TBL1X: variants seen among roughly 807,000 people sequenced by gnomAD.
TBL1X encodes transducin beta like 1 X-linked.
A neutral mutation model predicts 50.7 loss-of-function variants in TBL1X; 10 were observed. That is an observed-to-expected ratio of 0.20 (90% CI 0.12 to 0.33). TBL1X has a LOEUF of 0.33. TBL1X is among the 10% of genes least tolerant of loss of function. The pLI, the probability that TBL1X is intolerant of heterozygous loss-of-function variation, is 1.00. For missense variants in TBL1X, 340 were observed against 504.4 expected (o/e 0.67, Z 3.12); for synonymous variants, 190 against 214.7 (o/e 0.88, Z 1.01).
chrX:9,467,259 C>A (rs1468272220), intron 1 of TBL1X, among the ~76,000 whole-genome samples: 1 of 111,210 alleles, frequency 9.0e-6, no homozygotes, highest in East Asian at 2.8e-4. Flanking sequence ...CCAGCAGGTC[C>A]CGAGGGTCAG....
chrX:9,468,038 G>T (rs1407938916), intron 1 of TBL1X, among the ~76,000 whole-genome samples: 1 of 112,445 alleles, frequency 8.9e-6, no homozygotes, highest in African/African-American at 3.2e-5. Flanking sequence ...TCCACCGCAT[G>T]CCTGAAGGTT....
chrX:9,608,943 A>C (rs1222750175), intron 2 of TBL1X, among the ~76,000 whole-genome samples: 2 of 111,712 alleles, frequency 1.8e-5, no homozygotes, highest in African/African-American at 3.3e-5. Flanking sequence ...TTTTAGAAGC[A>C]GCAGATATCA....
chrX:9,578,779 A>G (rs1158823217), intron 2 of TBL1X, among the ~76,000 whole-genome samples: 1 of 112,112 alleles, frequency 8.9e-6, no homozygotes, highest in Non-Finnish European at 1.9e-5. Context: ...AACAGATAAT[A>G]TTGATGATGA....
chrX:9,486,454 G>A (rs963110738), intron 1 of TBL1X, among the ~76,000 whole-genome samples: 6 of 109,944 alleles, frequency 5.5e-5, no homozygotes, highest in African/African-American at 1.3e-4. Context: ...GGCTGGTCTC[G>A]AGCTCCTGGA....
At chrX:9,467,954 C>G (rs1366175349) in intron 1 of TBL1X, among the ~76,000 whole-genome samples, 1 of 112,595 alleles carries the variant, frequency 8.9e-6, no homozygotes, top group African/African-American at 3.2e-5. Context: ...CAGCGGGAGC[C>G]TGACTTCAGA....
rs753786320 is a variant in TBL1X, at chrX:9,518,120, A to G, written c.-131+16271A>G. 3.2e-4 allele frequency among the ~76,000 whole-genome samples: 35 copies of G among 109,917 alleles called. No homozygotes were observed. In the East Asian group the frequency reaches 9.4e-3, roughly 30 times the overall value. ...TCTCAAAAAAAAAAAAAAAAAAGAAAAGAAAAAAACAGTACCTTGTTGATA... is the reference window on the plus strand; with the variant it reads ...TCTCAAAAAAAAAAAAAAAAAAGAAGAGAAAAAAACAGTACCTTGTTGATA... On this transcript the variant is annotated intron_variant, in intron 2 of 17. Coordinates refer to ENST00000645353, the MANE Select transcript of TBL1X (RefSeq NM_005647.4).
At chrX:9,708,634 C>A (rs2083224681) in intron 13 of TBL1X, among the ~76,000 whole-genome samples, 1 of 106,487 alleles carries the variant, frequency 9.4e-6, no homozygotes, top group East Asian at 2.9e-4. Context: ...GTAATCCCAG[C>A]ACTTTGGGAG....
chrX:9,554,516 A>G (rs754998694), intron 2 of TBL1X, among the ~76,000 whole-genome samples: 2 of 112,417 alleles, frequency 1.8e-5, no homozygotes, highest in African/African-American at 6.5e-5. Flanking sequence ...CCTTTTGCTC[A>G]CTTACATTAT....
At chrX:9,496,558 G>A (rs906078029) in intron 1 of TBL1X, among the ~76,000 whole-genome samples, 1 of 112,723 alleles carries the variant, frequency 8.9e-6, no homozygotes, top group African/African-American at 3.2e-5. Flanking sequence ...ATTAAAAGTG[G>A]TCAAATGCTG....
chrX:9,702,065 G>A (rs1317724578), intron 12 of TBL1X, among the ~76,000 whole-genome samples: 3 of 111,513 alleles, frequency 2.7e-5, no homozygotes, highest in South Asian at 3.8e-4. Context: ...TTTGAAGACC[G>A]AGGAAGAATA....
intron 2 of TBL1X, among the ~76,000 whole-genome samples, chrX:9,564,557 A>ACCTCGTCT: frequency 9.1e-6 from 1 of 110,469 alleles, no homozygotes; most frequent in Middle Eastern, 4.7e-3. Context: ...ACATGGTGAA[A>ACCTCGTCT]CCTCGTCTCT....
intron 2 of TBL1X, among the ~76,000 whole-genome samples, chrX:9,508,821 G>A (rs868762762): frequency 8.1e-5 from 9 of 111,161 alleles, no homozygotes; most frequent in Admixed American, 2.9e-4. Flanking sequence ...ATCATCCTCA[G>A]CAAACTAGCA....
intron 11 of TBL1X, among the ~76,000 whole-genome samples, chrX:9,695,108 G>GT (rs1217636416): frequency 8.9e-6 from 1 of 112,365 alleles, no homozygotes; most frequent in Admixed American, 9.4e-5. Context: ...CTCCTCACCT[G>GT]TTTCTTAAAT....
intron 2 of TBL1X, among the ~76,000 whole-genome samples, chrX:9,597,752 C>T (rs2082533592): frequency 8.9e-6 from 1 of 112,414 alleles, no homozygotes. Context: ...CCTGGTGGTG[C>T]AGGCTCTGAT....
At position 9,716,639 on chromosome X, in the gene TBL1X, G is replaced by GA. The variant is rs529183499; in HGVS notation, c.*398dup. On this transcript the variant is annotated 3_prime_UTR_variant, in exon 18 of 18. Transcript: ENST00000645353. ...TGTGATAAACCAAACAGGGAAGGGGGAAAAACCCTCCTCCTTGGGATTTTT... is the reference window on the plus strand; with the variant it reads ...TGTGATAAACCAAACAGGGAAGGGGGAAAAAACCCTCCTCCTTGGGATTTTT... 2,724 of 118,035 alleles carry GA rather than the reference G, an allele frequency of 0.023. 76 individuals are homozygous for GA. The highest frequency in any genetic ancestry group is 0.089 in the African/African-American group (2,582 of 28,886). 9.7% of individuals were successfully genotyped at this position (118,035 alleles called of 1,213,427 possible). A position where few individuals can be genotyped will look rare whatever the true frequency, so the allele number is the denominator to read the frequency against.
At chrX:9,498,354 T>C (rs2081983496) in intron 1 of TBL1X, among the ~76,000 whole-genome samples, 1 of 112,313 alleles carries the variant, frequency 8.9e-6, no homozygotes, top group African/African-American at 3.2e-5. Context: ...GCAGCATGCA[T>C]TGAATTCTAG....
At chrX:9,490,587 G>A (rs1360211656) in intron 1 of TBL1X, among the ~76,000 whole-genome samples, 1 of 111,927 alleles carries the variant, frequency 8.9e-6, no homozygotes, top group Non-Finnish European at 1.9e-5. Flanking sequence ...TGAGAACCAT[G>A]TCTTGCAAGA....
At chrX:9,638,362 T>C (rs755794121) in intron 2 of TBL1X, among the ~76,000 whole-genome samples, 1 of 112,622 alleles carries the variant, frequency 8.9e-6, no homozygotes, top group South Asian at 3.7e-4. Context: ...GTGGTTCTAT[T>C]TGCATACTAA....
Position 9,713,060 on chromosome X carries a change from C to G in TBL1X, c.1605+1284C>G, listed in dbSNP as rs1043129751. ...CCCTCAAGTTCATTCCCCCTGTGGACTCAATGGTGATGAGCCCTGTTCACT... is the reference window on the plus strand; with the variant it reads ...CCCTCAAGTTCATTCCCCCTGTGGAGTCAATGGTGATGAGCCCTGTTCACT... On this transcript the variant is annotated intron_variant, in intron 16 of 17. Coordinates refer to ENST00000645353, the MANE Select transcript of TBL1X (RefSeq NM_005647.4). Among the ~76,000 whole-genome samples the G allele has an allele frequency of 3.6e-5, 4 of 111,134 alleles. No individual in the cohort carries two copies. In the Admixed American group the frequency reaches 3.8e-4, roughly 11 times the overall value.
Sources: gnomAD v4.1 joint callset for allele counts (sites outside exome capture counted in the v4.1 genomes callset) on GRCh38, gnomAD v4.1.1 for gene constraint, MANE v1.5 for transcripts, NCBI Gene and HGNC (gene_info 2026-07-23, HGNC 2026-07-21) for gene names.